Variants in MBD4 observed in about 807,000 individuals in gnomAD.
The protein encoded by MBD4 is methyl-CpG binding domain 4, DNA glycosylase.
MBD4 carries 53 observed loss-of-function variants against 60.2 expected under a neutral mutation model. That is an observed-to-expected ratio of 0.88 (90% CI 0.71 to 1.11). The LOEUF is 1.11. Ranked by LOEUF, MBD4 falls within the 50% of genes least tolerant of loss-of-function variation. The pLI is 0.00. For missense variants in MBD4, 619 were observed against 674.0 expected, an observed-to-expected ratio of 0.92 and a Z score of 0.90; for synonymous variants, 231 against 229.8, an observed-to-expected ratio of 1.01 and a Z score of -0.05.
At chr3:129,432,348 A>C (rs985718199) in intron 7 of MBD4, 155 bp downstream of exon 7, 6 of 1,532,412 alleles carry the variant, frequency 3.9e-6, no homozygotes, top group African/African-American at 2.7e-5. Context: ...CAAAAACCCC[A>C]AAACCCACAT....
At position 129,434,119 on chromosome 3, in the gene MBD4, T is replaced by C. The variant is rs2072411698; in HGVS notation, c.1201A>G (p.Thr401Ala). The change falls in exon 4 of 8, where the codon ACA becomes GCA. Residue 401 changes from threonine (T) to alanine (A), a missense_variant. Coordinates refer to ENST00000429544, the MANE Select transcript of MBD4 (RefSeq NM_001276270.2). Reference sequence around the variant, plus strand: ...CTTGTTTTCCTTCTTTCTATCTGTGTTCGTGGGATGGTATCTTCTGAAAAG... The same window carrying C: ...CTTGTTTTCCTTCTTTCTATCTGTGCTCGTGGGATGGTATCTTCTGAAAAG... ...KDFTEDTIPR[T>A]QIERRKTSLY... The C allele has an allele frequency of 6.2e-7, 1 of 1,613,922 alleles. No individual in the cohort carries two copies. The highest frequency in any genetic ancestry group is 2.2e-5 in the East Asian group (1 of 44,886).
chr3:129,433,032 T>G lies in MBD4; in HGVS notation c.1543+66A>C, dbSNP rs1316623821. On this transcript the variant is annotated intron_variant, in intron 6 of 7. Coordinates refer to ENST00000429544, the MANE Select transcript of MBD4 (RefSeq NM_001276270.2). ...TATAGTATCTGAGAACATTAAAGTTTAAGGTGTGGCTCTCTTAAATAAGCA... is the reference window on the plus strand; with the variant it reads ...TATAGTATCTGAGAACATTAAAGTTGAAGGTGTGGCTCTCTTAAATAAGCA... 6.9e-6 allele frequency: 11 copies of G among 1,584,016 alleles called. No homozygotes were observed. In the East Asian group the frequency reaches 2.2e-4, roughly 32 times the overall value.
intron 5 of MBD4, 131 bp from the exon 6 acceptor site, chr3:129,433,378 G>A: frequency 1.0e-6 from 1 of 973,876 alleles, no homozygotes; most frequent in Non-Finnish European, 1.5e-6. Context: ...AAAAACACTG[G>A]TGAGAAGCCA....
Position 129,433,228 on chromosome 3 carries a change from C to T in MBD4, c.1413G>A (p.Val471=), listed in dbSNP as rs372098226. The T allele has an allele frequency of 1.5e-5, 25 of 1,614,034 alleles. No individual in the cohort carries two copies. Among genetic ancestry groups the T allele is most frequent in the Non-Finnish European group, 1.9e-5 (23 of 1,180,026 alleles). The part of the protein sequence containing the change: ...NRTSGKMAIP[V]LWKFLEKYPS... ...GATACTTCTCCAGAAACTTCCAAAG[C>T]ACAGGTATTGCCATTTTGCCTGGGA... The change falls in exon 6 of 8, where the codon GTG becomes GTA. Residue 471 remains valine, a synonymous_variant. Coordinates refer to ENST00000429544, the MANE Select transcript of MBD4 (RefSeq NM_001276270.2).
At chr3:129,438,632 A>C (rs1439189272) in intron 1 of MBD4, among the ~76,000 whole-genome samples, 2 of 152,190 alleles carry the variant, frequency 1.3e-5, no homozygotes, top group Non-Finnish European at 2.9e-5. Context: ...CTGGCAAGGC[A>C]AGGTGGCTCA....
At position 129,436,670 on chromosome 3, in the gene MBD4, G is replaced by T; in HGVS notation, c.974C>A (p.Ser325Tyr). ...TATGATGCCAGAAGTTTTTTGTTCA[G>T]AACAAAAATTTGATCCTGAACTCAA... The part of the protein sequence containing the change: ...RSLSSGSNFC[S>Y]EQKTSGIINK... The change falls in exon 3 of 8, where the codon TCT becomes TAT. Residue 325 changes from serine to tyrosine, a missense_variant. Physicochemically the swap from Ser to Tyr is moderately radical, Grantham distance 144 (BLOSUM62 -2). Transcript: ENST00000429544. 1 of 1,613,962 alleles carries T rather than the reference G, an allele frequency of 6.2e-7. No individual in the cohort carries two copies. Among genetic ancestry groups the T allele is most frequent in the Non-Finnish European group, 8.5e-7 (1 of 1,179,984 alleles).
chr3:129,433,528 C>T (rs1220817160), intron 5 of MBD4: 1 of 583,690 alleles, frequency 1.7e-6, no homozygotes, highest in Non-Finnish European at 3.0e-6. Context: ...AGAGTAGAAG[C>T]ATATAGAACA....
chr3:129,437,881 G>A lies in MBD4; in HGVS notation c.174C>T (p.Ser58=). The change falls in exon 2 of 8, where the codon AGC becomes AGT. Residue 58 remains serine, a synonymous_variant. Coordinates refer to ENST00000429544, the MANE Select transcript of MBD4 (RefSeq NM_001276270.2). ...CTTGTAGCAAGGGATTACATTCACT[G>A]CTTCTTTTTATCATCATTTGTTCCT... The part of the protein sequence containing the change: ...EDEEQMMIKR[S]SECNPLLQEP... 6.2e-7 allele frequency: 1 copy of A among 1,613,848 alleles called. No individual in the cohort carries two copies. The highest frequency in any genetic ancestry group is 2.2e-5 in the East Asian group (1 of 44,864).
At chr3:129,438,073 A>G (rs2072505775) in intron 1 of MBD4, 123 bp from the exon 2 acceptor site, 1 of 677,862 alleles carries the variant, frequency 1.5e-6, no homozygotes, top group Admixed American at 2.3e-5. Flanking sequence ...GGGAGATTAA[A>G]GTCAGTGTGG....
chr3:129,431,678 A>T (rs1485018208), intron 7 of MBD4, 100 bp from the exon 8 acceptor site: 1 of 808,492 alleles, frequency 1.2e-6, no homozygotes, highest in East Asian at 2.4e-5. Flanking sequence ...GGGGGACAGT[A>T]CATTACGATA....
rs1456503266 is a variant in MBD4 at position 129,436,696 on chromosome 3, T to C, written c.948A>G (p.Ser316=). The C allele has an allele frequency of 6.2e-7, 1 of 1,614,142 alleles. No homozygotes were observed. Among genetic ancestry groups the C allele is most frequent in the Admixed American group, 1.7e-5 (1 of 60,016 alleles). ...ENSLVKKKER[S]LSSGSNFCSE... is the part of the protein sequence containing the mutation. Reference sequence around the variant, plus strand: ...AACAAAAATTTGATCCTGAACTCAATGATCTTTCTTTTTTTTTTACAAGGC... The same window carrying C: ...AACAAAAATTTGATCCTGAACTCAACGATCTTTCTTTTTTTTTTACAAGGC... Residue 316 remains serine (S), a synonymous_variant, in exon 3 of 8, where the codon TCA becomes TCG. Coordinates refer to ENST00000429544, the MANE Select transcript of MBD4 (RefSeq NM_001276270.2).
chr3:129,433,255 G>A lies in MBD4; in HGVS notation c.1394-8C>T, dbSNP rs2072389890. On this transcript the variant is annotated splice_region_variant and splice_polypyrimidine_tract_variant and intron_variant, in intron 5 of 7. Transcript: ENST00000429544. The stretch of plus-strand genomic sequence containing the variant: ...CAGGTATTGCCATTTTGCCTGGGAA[G>A]TAAAAGTAACTGAATGATTACAAGA... 1.2e-6 allele frequency: 2 copies of A among 1,613,806 alleles called. No homozygotes were observed. Among genetic ancestry groups the A allele is most frequent in the Non-Finnish European group, 8.5e-7 (1 of 1,179,960 alleles).
chr3:129,437,582 A>T, intron 2 of MBD4, 138 bp downstream of exon 2: 1 of 699,450 alleles, frequency 1.4e-6, no homozygotes, highest in Non-Finnish European at 2.5e-6. Context: ...TGATGTAATT[A>T]ATAGCAACAT....
intron 7 of MBD4, 184 bp downstream of exon 7, chr3:129,432,319 C>T (rs1160231411): frequency 6.6e-7 from 1 of 1,504,412 alleles, no homozygotes; most frequent in Non-Finnish European, 8.8e-7. Context: ...TCTTTGTGGA[C>T]TTGGGAGCGC....
Position 129,437,663 on chromosome 3 carries a change from C to T in MBD4, c.335+57G>A. The T allele has an allele frequency of 3.2e-6, 4 of 1,240,790 alleles. No individual in the cohort carries two copies. In the East Asian group the frequency reaches 6.9e-5, roughly 22 times the overall value. The allele number at this position is 1,240,790 out of a possible 1,614,324, so 76.9% of individuals were successfully genotyped here. On this transcript the variant is annotated intron_variant, in intron 2 of 7. Coordinates refer to ENST00000429544, the MANE Select transcript of MBD4 (RefSeq NM_001276270.2). ...AGCTAAGATTCCTGCTATGCTCCCA[C>T]TACCTGCCCAGACAAAATCATTTGG...
intron 7 of MBD4, 56 bp downstream of exon 7, chr3:129,432,447 A>G (rs1164625403): frequency 1.2e-6 from 2 of 1,613,966 alleles, no homozygotes; most frequent in South Asian, 1.1e-5. Context: ...ATAATGGTGG[A>G]CTTATTTTGC....
At chr3:129,431,802 A>C (rs1471321368) in intron 7 of MBD4, among the ~76,000 whole-genome samples, 1 of 152,238 alleles carries the variant, frequency 6.6e-6, no homozygotes, top group Non-Finnish European at 1.5e-5. Context: ...ATTACTACTC[A>C]ACCATGACTT....
intron 7 of MBD4, chr3:129,432,199 G>C (rs2072358204): frequency 7.1e-7 from 1 of 1,399,658 alleles, no homozygotes; most frequent in Non-Finnish European, 9.3e-7. Context: ...CTTTTGACAG[G>C]AGGAAAACCA....
chr3:129,436,188 C>T (rs992547841), intron 3 of MBD4, among the ~76,000 whole-genome samples: 3 of 152,158 alleles, frequency 2.0e-5, no homozygotes, highest in South Asian at 2.1e-4. Context: ...CAGGGAGAGA[C>T]GATGGCAGCT....
Sources: gnomAD v4.1 joint callset for allele counts (sites outside exome capture counted in the v4.1 genomes callset) on GRCh38, gnomAD v4.1.1 for gene constraint, MANE v1.5 for transcripts, NCBI Gene and HGNC (gene_info 2026-07-23, HGNC 2026-07-21) for gene names.